The following LRRC9 variants were observed in gnomAD, a reference collection of about 807,000 sequenced individuals.
LRRC9 encodes leucine rich repeat containing 9.
LRRC9 carries 122 observed loss-of-function variants against 63.2 expected under a neutral mutation model. That is an observed-to-expected ratio of 1.93 (90% confidence interval 1.67 to 2.24). LRRC9 has a LOEUF of 2.24. LRRC9 is among the 30% of genes most tolerant of loss of function. The pLI, the probability that LRRC9 is intolerant of heterozygous loss-of-function variation, is 0.00. For missense variants in LRRC9, 1,071 were observed against 627.7 expected (o/e 1.71, Z -7.55); for synonymous variants, 366 against 213.1 (o/e 1.72, Z -6.25).
intron 27 of LRRC9, among the ~76,000 whole-genome samples, chr14:60,023,766 G>A (rs1201785010): frequency 2.6e-5 from 4 of 152,012 alleles, no homozygotes; most frequent in African/African-American, 9.7e-5. Flanking sequence ...ATCTACATTA[G>A]GTATTTCTCC....
chr14:59,967,421 C>T (rs1029767225), intron 12 of LRRC9, among the ~76,000 whole-genome samples: 2 of 152,188 alleles, frequency 1.3e-5, no homozygotes, highest in Non-Finnish European at 2.9e-5. Flanking sequence ...TACTGCCTGA[C>T]CCTACGTAAT....
At position 60,017,552 on chromosome 14, in the gene LRRC9, T is replaced by G. The variant is rs1890791002; in HGVS notation, c.3317+762T>G. 6.6e-6 allele frequency among the ~76,000 whole-genome samples: 1 copy of G among 152,132 alleles called. No homozygotes were observed. The highest frequency in any genetic ancestry group is 2.1e-4 in the South Asian group (1 of 4,832). ...AACTCTATCACAGCAATTCTCCTCT[T>G]TATTTTTATTTTTCTGGCTCCCACT... On this transcript the variant is annotated intron_variant, in intron 24 of 31. Transcript: ENST00000445360. This position sits in a 1 kb window ranked among gnomAD's most constrained non-coding sequence, Gnocchi z 4.0.
At position 59,990,444 on chromosome 14, in the gene LRRC9, C is replaced by G. The variant is rs779485850; in HGVS notation, c.2211+5220C>G. Among the ~76,000 whole-genome samples the G allele has an allele frequency of 6.6e-6, 1 of 152,012 alleles. No individual in the cohort carries two copies. The highest frequency in any genetic ancestry group is 1.5e-5 in the Non-Finnish European group (1 of 68,014). Reference sequence around the variant, plus strand: ...TTTTAGACAGGGTCTCACTCTGTCACCCAGGCTGGAATGCAATGGCATAAT... The same window carrying G: ...TTTTAGACAGGGTCTCACTCTGTCAGCCAGGCTGGAATGCAATGGCATAAT... On this transcript the variant is annotated intron_variant, in intron 17 of 31. Transcript: ENST00000445360. This position sits in a 1 kb window ranked among gnomAD's most constrained non-coding sequence, Gnocchi z 4.2.
exon 9 of LRRC9, chr14:59,959,881 A>G (rs548890947): frequency 2.9e-6 from 2 of 698,918 alleles, no homozygotes; most frequent in South Asian, 3.0e-5. Context: ...ATCCAATAAC[A>G]GTAAAGTAAC....
At chr14:59,985,040 A>C (rs959451270) in intron 16 of LRRC9, 65 bp from the exon 17 acceptor site, 1 of 496,848 alleles carries the variant, frequency 2.0e-6, no homozygotes, top group Non-Finnish European at 3.6e-6. Context: ...TTACATATCC[A>C]CACTTCAGTT....
intron 27 of LRRC9, among the ~76,000 whole-genome samples, chr14:60,025,922 T>C (rs995812222): frequency 2.6e-4 from 40 of 152,024 alleles, no homozygotes; most frequent in Non-Finnish European, 2.9e-5. Flanking sequence ...GCTAATTAGA[T>C]GTAAAATAAA....
At chr14:59,943,954 T>C (rs1882063151) in intron 7 of LRRC9, among the ~76,000 whole-genome samples, 1 of 152,002 alleles carries the variant, frequency 6.6e-6, no homozygotes, top group African/African-American at 2.4e-5. Flanking sequence ...ATAGTTCTTT[T>C]TAACTAACAT....
intron 18 of LRRC9, among the ~76,000 whole-genome samples, chr14:59,998,884 C>T (rs934711127): frequency 6.6e-6 from 1 of 152,004 alleles, no homozygotes; most frequent in Non-Finnish European, 1.5e-5. Context: ...TGGGATTTCC[C>T]TTCCTCATCA....
intron 1 of LRRC9, among the ~76,000 whole-genome samples, chr14:59,921,717 A>ATTT (rs57938700): frequency 1.1e-4 from 13 of 121,154 alleles, no homozygotes; most frequent in African/African-American, 1.2e-4. Context: ...GGGCAGTTGG[A>ATTT]TTTTTTTTTT....
intron 17 of LRRC9, among the ~76,000 whole-genome samples, chr14:59,985,557 GA>G (rs1010843572): frequency 2.0e-5 from 3 of 151,936 alleles, no homozygotes; most frequent in African/African-American, 7.2e-5. Context: ...GCTCTCAAAG[GA>G]ACAGCTATAA....
chr14:59,932,010 C>G lies in LRRC9; in HGVS notation c.514C>G (p.Leu172Val). The stretch of plus-strand genomic sequence containing the variant: ...CAATGAACAACTGGAAAGATTAAAC[C>G]TTTCTGGTAACCAAATATGTTCTTT... The change falls in exon 6 of 32, where the codon CTT becomes GTT. Residue 172 changes from leucine to valine, a missense_variant. Physicochemically the swap from Leu to Val is conservative, Grantham distance 32. Coordinates refer to ENST00000445360, the Ensembl canonical transcript of LRRC9. The surrounding 1 kb of genome is among the most constrained non-coding windows in gnomAD (Gnocchi z 4.7). 1.4e-6 allele frequency: 1 copy of G among 699,928 alleles called. No individual in the cohort carries two copies. The allele number at this position is 699,928 out of a possible 1,614,324, so 43.4% of individuals were successfully genotyped here.
intron 6 of LRRC9, among the ~76,000 whole-genome samples, chr14:59,933,926 G>A (rs1889916302): frequency 6.6e-6 from 1 of 152,082 alleles, no homozygotes; most frequent in African/African-American, 2.4e-5. Flanking sequence ...AAGGTCAATT[G>A]GGTCTCGAAT....
At chr14:60,065,543 G>T (rs1894863477), downstream of LRRC9, among the ~76,000 whole-genome samples, 1 of 147,446 alleles carries the variant, frequency 6.8e-6, no homozygotes, top group Non-Finnish European at 1.5e-5. Context: ...AGCTACTCAG[G>T]AGGCTAAGGC....
chr14:59,933,870 A>G (rs529302561), intron 6 of LRRC9, among the ~76,000 whole-genome samples: 3 of 152,150 alleles, frequency 2.0e-5, no homozygotes, highest in African/African-American at 7.2e-5. Context: ...TTGTCATTTG[A>G]CTGGAGTATA....
intron 13 of LRRC9, among the ~76,000 whole-genome samples, chr14:59,976,119 C>T (rs555872247): frequency 6.6e-6 from 1 of 152,354 alleles, no homozygotes; most frequent in South Asian, 2.1e-4. Flanking sequence ...TGATATGTCA[C>T]TTGTCTCCCA....
chr14:59,991,596 G>A (rs966947262), intron 17 of LRRC9, among the ~76,000 whole-genome samples: 51 of 152,158 alleles, frequency 3.4e-4, no homozygotes, highest in Non-Finnish European at 6.6e-4. Context: ...ACGGCACCTG[G>A]AAAATCGAGT....
At chr14:59,931,206 A>G (rs548188799) in intron 4 of LRRC9, 148 bp downstream of exon 4, 5 of 294,254 alleles carry the variant, frequency 1.7e-5, no homozygotes, top group African/African-American at 2.2e-5. Flanking sequence ...ACATGTATAT[A>G]GCATTTTATA....
chr14:60,049,326 G>C (rs1339239986), intron 29 of LRRC9, among the ~76,000 whole-genome samples: 1 of 152,156 alleles, frequency 6.6e-6, no homozygotes, highest in Admixed American at 6.5e-5. Context: ...TTGCAGACTT[G>C]TTTATGTAGT....
Position 60,060,416 on chromosome 14 carries a change from A to C in LRRC9, c.4276+2394A>C, listed in dbSNP as rs1412263376. On this transcript the variant is annotated intron_variant, in intron 31 of 31. Coordinates refer to ENST00000445360, the Ensembl canonical transcript of LRRC9. This position sits in a 1 kb window ranked among gnomAD's most constrained non-coding sequence, Gnocchi z 4.0. ...TAACTTCAAGTATTATGATTTAAGA[A>C]ATATATTTTGTAAGGCTCTAACTAC... Among the ~76,000 whole-genome samples, 1 of 152,176 alleles carries C rather than the reference A, an allele frequency of 6.6e-6. No homozygotes were observed. The highest frequency in any genetic ancestry group is 2.4e-5 in the African/African-American group (1 of 41,448).
Sources: allele counts gnomAD v4.1 joint callset (sites outside exome capture counted in the v4.1 genomes callset), GRCh38; gene constraint gnomAD v4.1.1; non-coding constraint Gnocchi (gnomAD v3.1); transcripts MANE v1.5; gene names NCBI Gene and HGNC (gene_info 2026-07-23, HGNC 2026-07-21).